The following BRWD3 variants were observed in gnomAD, a reference collection of about 807,000 sequenced individuals.
BRWD3 encodes the protein bromodomain and WD repeat domain containing 3.
A neutral mutation model predicts 149.7 loss-of-function variants in BRWD3; 10 were observed. The ratio of observed to expected loss-of-function variants is 0.07; its 90% confidence interval spans 0.04 to 0.11. BRWD3 has a LOEUF of 0.11. Among genes scored for constraint, BRWD3 ranks in the 10% least tolerant of loss-of-function variants. The pLI is 1.00. For missense variants in BRWD3, 940 were observed against 1,373.2 expected, an observed-to-expected ratio of 0.68 and a Z score of 4.99; for synonymous variants, 504 against 456.7, an observed-to-expected ratio of 1.10 and a Z score of -1.32.
intron 8 of BRWD3, among the ~76,000 whole-genome samples, chrX:80,742,904 T>C (rs971934470): frequency 2.0e-4 from 22 of 111,548 alleles, no homozygotes; most frequent in Non-Finnish European, 2.4e-4. Flanking sequence ...TCCTGCCTGA[T>C]TGCCCTGGCC....
chrX:80,754,903 G>A (rs765333130), intron 6 of BRWD3, among the ~76,000 whole-genome samples: 129 of 111,456 alleles, frequency 1.2e-3, no homozygotes, highest in Middle Eastern at 4.6e-3. Context: ...AGCTACTCAG[G>A]AGGCTGAGGC....
intron 20 of BRWD3, among the ~76,000 whole-genome samples, chrX:80,712,867 G>A (rs1185571403): frequency 1.1e-4 from 12 of 104,840 alleles, no homozygotes; most frequent in African/African-American, 3.5e-4. Flanking sequence ...GAGACCCTCC[G>A]CCTGGCAACT....
At chrX:80,714,337 C>T (rs2073044548) in intron 20 of BRWD3, among the ~76,000 whole-genome samples, 1 of 105,361 alleles carries the variant, frequency 9.5e-6, no homozygotes, top group Non-Finnish European at 1.9e-5. Flanking sequence ...AAGTGATTCT[C>T]CTGCCTGCCT....
chrX:80,723,033 TAAG>T (rs1301093094), intron 16 of BRWD3, among the ~76,000 whole-genome samples: 2 of 111,742 alleles, frequency 1.8e-5, no homozygotes, highest in African/African-American at 3.3e-5. Flanking sequence ...TCTATTATGA[TAAG>T]AAGAACTAAA....
intron 6 of BRWD3, among the ~76,000 whole-genome samples, chrX:80,786,953 T>A (rs2074114646): frequency 9.1e-6 from 1 of 110,086 alleles, no homozygotes; most frequent in Non-Finnish European, 1.9e-5. Context: ...GTTATCTATA[T>A]AAAGAATCCC....
chrX:80,711,126 T>A (rs1198506796), intron 20 of BRWD3, among the ~76,000 whole-genome samples: 1 of 112,221 alleles, frequency 8.9e-6, no homozygotes, highest in African/African-American at 3.2e-5. Context: ...ATATATAATG[T>A]GTGTTTATTT....
Position 80,717,649 on chromosome X carries a change from G to C in BRWD3, c.2155C>G (p.Gln719Glu). 8.3e-7 allele frequency: 1 copy of C among 1,211,015 alleles called. No homozygotes were observed. Among genetic ancestry groups the C allele is most frequent in the Non-Finnish European group, 1.1e-6 (1 of 894,953 alleles). Reference protein sequence around the residue: ...RQMHNNAPRSQMATERDLMAW... With the variant: ...RQMHNNAPRSEMATERDLMAW... ...ATGAGATCTCTTTCAGTGGCCATCTGGCTCCGAGGAGCATTGTTATGCATT... is the reference window on the plus strand; with the variant it reads ...ATGAGATCTCTTTCAGTGGCCATCTCGCTCCGAGGAGCATTGTTATGCATT... The change falls in exon 19 of 41, where the codon CAG becomes GAG. Residue 719 changes from glutamine to glutamate, a missense_variant. Gln to Glu is a conservative substitution (Grantham distance 29). Around this residue, in one of 6 missense-constraint regions of BRWD3, gnomAD observed 103 missense variants for 103.2 expected, o/e 1.00. Transcript: ENST00000373275.
At chrX:80,706,836 C>T (rs1475957867) in intron 22 of BRWD3, among the ~76,000 whole-genome samples, 2 of 112,530 alleles carry the variant, frequency 1.8e-5, no homozygotes, top group African/African-American at 3.2e-5. Flanking sequence ...TCAAGGCATG[C>T]CTGGGCAACA....
At chrX:80,786,094 C>G (rs1239794380) in intron 6 of BRWD3, among the ~76,000 whole-genome samples, 1 of 111,982 alleles carries the variant, frequency 8.9e-6, no homozygotes, top group Non-Finnish European at 1.9e-5. Context: ...ATGCACCTAT[C>G]CAGAGTAGCT....
At chrX:80,718,893 G>A (rs2073107787) in intron 18 of BRWD3, among the ~76,000 whole-genome samples, 1 of 111,463 alleles carries the variant, frequency 9.0e-6, no homozygotes, top group South Asian at 3.7e-4. Context: ...CACGTTTAAT[G>A]TAAAAGATAG....
intron 14 of BRWD3, among the ~76,000 whole-genome samples, chrX:80,725,780 C>A (rs1023088413): frequency 1.9e-5 from 2 of 104,026 alleles, no homozygotes; most frequent in African/African-American, 3.5e-5. Context: ...TGTTACATGC[C>A]TATATAACGT....
At chrX:80,725,788 CGT>C (rs1242572615) in intron 14 of BRWD3, among the ~76,000 whole-genome samples, 1 of 102,652 alleles carries the variant, frequency 9.7e-6, no homozygotes, top group Non-Finnish European at 2.0e-5. Flanking sequence ...GCCTATATAA[CGT>C]ATAACATGTT....
At position 80,725,047 on chromosome X, in the gene BRWD3, G is replaced by A. The variant is rs1301148573; in HGVS notation, c.1407C>T (p.Phe469=). 3.2e-5 allele frequency: 39 copies of A among 1,205,543 alleles called. No individual in the cohort carries two copies. The highest frequency in any genetic ancestry group is 4.1e-5 in the Non-Finnish European group (37 of 891,680). The change falls in exon 15 of 41, where the codon TTC becomes TTT. Residue 469 remains phenylalanine (F), a synonymous_variant. Coordinates refer to ENST00000373275, the MANE Select transcript of BRWD3 (RefSeq NM_153252.5). ...GATCAAATGGATGGGCTTCTAGAACGAATACTTCATCATCATGTCCCTATA... is the reference window on the plus strand; with the variant it reads ...GATCAAATGGATGGGCTTCTAGAACAAATACTTCATCATCATGTCCCTATA... ...HTLSGHDDEV[F]VLEAHPFDQR...
In BRWD3 at chrX:80,809,823, GGA is replaced by G. The variant is rs771835323; in HGVS notation, c.-354_-353del. ...AGAGAGACGCGGGGGGTGGGGGGGC[GGA>G]GAGAGAGAGAGAGAGAGAGATAGAC... On this transcript the variant is annotated 5_prime_UTR_variant, in exon 1 of 41. Transcript: ENST00000373275. 193 of 100,176 alleles carry G rather than the reference GGA, an allele frequency of 1.9e-3. No homozygotes were observed. Among genetic ancestry groups the G allele is most frequent in the South Asian group, 4.6e-3 (10 of 2,181 alleles). 8.3% of individuals were successfully genotyped at this position (100,176 alleles called of 1,213,427 possible). A position where few individuals can be genotyped will look rare whatever the true frequency, so the allele number is the denominator to read the frequency against.
At chrX:80,715,761 G>C (rs2073066675) in intron 20 of BRWD3, among the ~76,000 whole-genome samples, 1 of 112,013 alleles carries the variant, frequency 8.9e-6, no homozygotes, top group Non-Finnish European at 1.9e-5. Flanking sequence ...TTCCAATAAA[G>C]ATTAACAGAA....
rs1216348301 is a variant in BRWD3, at chrX:80,769,653, ACTGACACC to A, written c.430+22193_430+22200del. ...TAACAGAAAGCAGGAAAGATCTAAA[ACTGACACC>A]CTAACACCACAATTAAAAGAACTAG... On this transcript the variant is annotated intron_variant, in intron 6 of 40. Transcript: ENST00000373275. Among the ~76,000 whole-genome samples the A allele has an allele frequency of 4.5e-5, 5 of 111,439 alleles. No homozygotes were observed. In the Admixed American group the frequency reaches 4.8e-4, roughly 11 times the overall value.
intron 6 of BRWD3, among the ~76,000 whole-genome samples, chrX:80,783,239 T>C (rs1054580995): frequency 1.8e-5 from 2 of 109,371 alleles, no homozygotes; most frequent in African/African-American, 6.7e-5. Flanking sequence ...ATACAAAAAT[T>C]AGCCAGGCAT....
At position 80,807,923 on chromosome X, in the gene BRWD3, T is replaced by A. The variant is rs756317464; in HGVS notation, c.180+616A>T. 2.7e-5 allele frequency among the ~76,000 whole-genome samples: 3 copies of A among 111,246 alleles called. 1 individual carries two copies. The South Asian group carries it at 1.1e-3, about 42-fold the overall frequency. On this transcript the variant is annotated intron_variant, in intron 4 of 40. Transcript: ENST00000373275. ...ATCGGAGATACGTAACGATTATGCT[T>A]TTACTCAGTAGACCATTACCTAACC...
In BRWD3 at chrX:80,791,841, G is replaced by C; in HGVS notation, c.430+13C>G. The C allele has an allele frequency of 8.8e-7, 1 of 1,139,419 alleles. No homozygotes were observed. 93.9% of individuals were successfully genotyped at this position (1,139,419 alleles called of 1,213,427 possible). On this transcript the variant is annotated intron_variant, in intron 6 of 40. Transcript: ENST00000373275. ...TCAACAATCTGTTTATAACACACAGGTATATTACTCACCCACATTTGGAGG... is the reference window on the plus strand; with the variant it reads ...TCAACAATCTGTTTATAACACACAGCTATATTACTCACCCACATTTGGAGG...
Sources: allele counts gnomAD v4.1 joint callset (sites outside exome capture counted in the v4.1 genomes callset), GRCh38; gene constraint gnomAD v4.1.1; regional missense constraint gnomAD v4.1.1; transcripts MANE v1.5; gene names NCBI Gene and HGNC (gene_info 2026-07-23, HGNC 2026-07-21).